Variants in DAG1 observed in about 807,000 individuals in gnomAD.
DAG1 encodes dystroglycan 1 (dystrophin-associated glycoprotein 1).
DAG1 carries 8 observed loss-of-function variants against 46.1 expected under a neutral mutation model. The ratio of observed to expected loss-of-function variants is 0.17; its 90% CI spans 0.10 to 0.31. The LOEUF (loss-of-function observed/expected upper bound fraction) is 0.31, where lower values mean the gene tolerates loss of function less well. Among genes scored for constraint, DAG1 ranks in the 10% least tolerant of loss-of-function variants. The pLI is 1.00. For synonymous variants in DAG1, 495 were observed against 481.8 expected (o/e 1.03, Z -0.36); for missense variants, 1,003 against 1,189.9 (o/e 0.84, Z 2.31).
At chr3:49,485,389 A>C (rs115890970) in intron 1 of DAG1, among the ~76,000 whole-genome samples, 1,751 of 152,160 alleles carry the variant, frequency 0.012, 33 homozygotes, top group African/African-American at 0.041. Context: ...TCTTTGTTGT[A>C]ATGACCCTGA....
At chr3:49,469,409 T>C (rs980654388), upstream of DAG1, among the ~76,000 whole-genome samples, 1 of 152,190 alleles carries the variant, frequency 6.6e-6, no homozygotes, top group Non-Finnish European at 1.5e-5. Context: ...GGTTAAGTCC[T>C]GGGGAGAGCT....
chr3:49,470,942 C>T (rs1489383804), intron 1 of DAG1: 1 of 152,252 alleles, frequency 6.6e-6, no homozygotes, highest in Non-Finnish European at 1.5e-5. Flanking sequence ...TTACTTACTA[C>T]CTTTTCACTT....
chr3:49,494,355 G>C (rs2050257822), intron 1 of DAG1, among the ~76,000 whole-genome samples: 1 of 151,938 alleles, frequency 6.6e-6, no homozygotes, highest in Non-Finnish European at 1.5e-5. Flanking sequence ...TACAGGGGCT[G>C]CTGGCAGGGT....
In DAG1 at chr3:49,531,227, C is replaced by T. The variant is rs758620141; in HGVS notation, c.716C>T (p.Ser239Leu). ...PVVNNRLFDM[S>L]AFMAGPGNAK... is the part of the protein sequence containing the mutation. ...GTGAATAACAGACTATTTGACATGTCGGCCTTCATGGCTGGCCCGGGAAAT... is the reference window on the plus strand; with the variant it reads ...GTGAATAACAGACTATTTGACATGTTGGCCTTCATGGCTGGCCCGGGAAAT... The change falls in exon 3 of 3, where the codon TCG (serine) becomes TTG (leucine). Residue 239 changes from serine (S) to leucine (L), a missense_variant. By Grantham distance (145) the Ser-to-Leu change is moderately radical. Around this residue, in one of 3 missense-constraint regions of DAG1, gnomAD observed 52 missense variants for 96.7 expected, o/e 0.54. Coordinates refer to ENST00000308775, the MANE Select transcript of DAG1 (RefSeq NM_004393.6). The surrounding 1 kb of genome is among the most constrained non-coding windows in gnomAD (Gnocchi z 7.0). The T allele has an allele frequency of 1.4e-5, 23 of 1,614,014 alleles. No homozygotes were observed. The highest frequency in any genetic ancestry group is 1.0e-4 in the Admixed American group (6 of 60,002).
In DAG1 at chr3:49,529,191, TAA is replaced by T. The variant is rs1204228515; in HGVS notation, c.286-1599_286-1598del. Among the ~76,000 whole-genome samples the T allele has an allele frequency of 2.6e-5, 4 of 152,102 alleles. No individual in the cohort carries two copies. In the South Asian group the frequency reaches 8.3e-4, roughly 32 times the overall value. On this transcript the variant is annotated intron_variant, in intron 2 of 2. Coordinates refer to ENST00000308775, the MANE Select transcript of DAG1 (RefSeq NM_004393.6). ...CTAACAATGTCAGTAATCTCATGGT[TAA>T]AAAAAATTTTTTTTTTGAAATAGAG...
In DAG1 at chr3:49,510,622, C is replaced by G. The variant is rs767978212; in HGVS notation, c.88C>G (p.His30Asp). Residue 30 changes from histidine (H) to aspartate (D), a missense_variant, in exon 2 of 3, where the codon CAC becomes GAC. Around this residue, in one of 3 missense-constraint regions of DAG1, gnomAD observed 196 missense variants for 239.1 expected, o/e 0.82. Coordinates refer to ENST00000308775, the MANE Select transcript of DAG1 (RefSeq NM_004393.6). ...GCTCTCTGTGGTTATGGCTCAGTCC[C>G]ACTGGCCCAGTGAACCCTCAGAGGC... The part of the protein sequence containing the change: ...LLLSVVMAQS[H>D]WPSEPSEAVR... 11 of 1,614,024 alleles carry G rather than the reference C, an allele frequency of 6.8e-6. No homozygotes were observed. The highest frequency in any genetic ancestry group is 1.6e-4 in the Middle Eastern group (1 of 6,084).
At chr3:49,521,900 A>T (rs2051036530) in intron 2 of DAG1, among the ~76,000 whole-genome samples, 1 of 150,476 alleles carries the variant, frequency 6.6e-6, no homozygotes, top group Admixed American at 6.6e-5. Context: ...CCCAGGCTGG[A>T]GTGCGGTGGC....
intron 1 of DAG1, among the ~76,000 whole-genome samples, chr3:49,478,523 A>C (rs1363232931): frequency 1.7e-5 from 2 of 119,438 alleles, no homozygotes; most frequent in African/African-American, 6.0e-5. Flanking sequence ...TTTTGAGCCC[A>C]AGAGTTTTTT....
Position 49,521,947 on chromosome 3 carries a change from T to G in DAG1, c.286-8850T>G, listed in dbSNP as rs568427552. ...TCACTGCAATCTCCACCTCCCGGGT[T>G]CAAGCAATTCTCCTGCTTCAGCCTC... On this transcript the variant is annotated intron_variant, in intron 2 of 2. Coordinates refer to ENST00000308775, the MANE Select transcript of DAG1 (RefSeq NM_004393.6). Among the ~76,000 whole-genome samples the G allele has an allele frequency of 5.3e-5, 8 of 152,342 alleles. No homozygotes were observed. In the South Asian group the frequency reaches 1.7e-3, roughly 32 times the overall value.
intron 1 of DAG1, among the ~76,000 whole-genome samples, chr3:49,490,279 G>T (rs1022795379): frequency 2.0e-5 from 3 of 151,960 alleles, no homozygotes; most frequent in Non-Finnish European, 2.9e-5. Context: ...TGTGGACCCG[G>T]GAGGTGGAGC....
Position 49,510,406 on chromosome 3 carries a change from C to CT in DAG1, c.-116-4dup, listed in dbSNP as rs200455639. 7,643 of 921,352 alleles carry CT rather than the reference C, an allele frequency of 8.3e-3. 34 individuals are homozygous for CT. Among genetic ancestry groups the CT allele is most frequent in the Non-Finnish European group, 0.011 (6,213 of 572,594 alleles). 57.1% of individuals were successfully genotyped at this position (921,352 alleles called of 1,614,324 possible). A position where few individuals can be genotyped will look rare whatever the true frequency, so the allele number is the denominator to read the frequency against. ...ATTGCTCAAGTCTAAACCTGCTTTT[C>CT]TTTTTTTTTCAGGCTCTGTGTGCTC... On this transcript the variant is annotated splice_polypyrimidine_tract_variant and intron_variant, in intron 1 of 2. Transcript: ENST00000308775.
chr3:49,491,169 C>T (rs2050172280), intron 1 of DAG1, among the ~76,000 whole-genome samples: 1 of 151,922 alleles, frequency 6.6e-6, no homozygotes, highest in South Asian at 2.1e-4. Flanking sequence ...GCCACCACGC[C>T]TGGCATTTTT....
intron 1 of DAG1, among the ~76,000 whole-genome samples, chr3:49,500,270 A>C (rs1286260418): frequency 6.6e-6 from 1 of 152,136 alleles, no homozygotes; most frequent in Non-Finnish European, 1.5e-5. Flanking sequence ...CTCAGCCTCC[A>C]AAGTGCTGGT....
At chr3:49,477,958 A>T (rs1314439588) in intron 1 of DAG1, among the ~76,000 whole-genome samples, 3 of 146,920 alleles carry the variant, frequency 2.0e-5, no homozygotes, top group African/African-American at 7.6e-5. Flanking sequence ...GTGAAACTGC[A>T]TCTCAAAAAA....
Position 49,531,937 on chromosome 3 carries a change from C to G in DAG1, c.1426C>G (p.Pro476Ala). ...CATCACCAGATTGGAAACTGCCTCA[C>G]CGCCTACTCGTATTCGCACCACCAC... ...VSITRLETAS[P>A]PTRIRTTTSG... The change falls in exon 3 of 3, where the codon CCG (proline) becomes GCG (alanine). Residue 476 changes from proline (P) to alanine (A), a missense_variant. Transcript: ENST00000308775. The surrounding 1 kb of genome is among the most constrained non-coding windows in gnomAD (Gnocchi z 7.0). 6.2e-7 allele frequency: 1 copy of G among 1,614,228 alleles called. No individual in the cohort carries two copies. Among genetic ancestry groups the G allele is most frequent in the Non-Finnish European group, 8.5e-7 (1 of 1,180,038 alleles).
chr3:49,497,629 AT>A (rs1190489670), intron 1 of DAG1, among the ~76,000 whole-genome samples: 1 of 152,072 alleles, frequency 6.6e-6, no homozygotes, highest in Non-Finnish European at 1.5e-5. Context: ...AAAAATAAAA[AT>A]AACCCCAAAC....
chr3:49,470,616 T>C (rs2049489030), intron 1 of DAG1, 183 bp downstream of exon 1: 1 of 152,142 alleles, frequency 6.6e-6, no homozygotes, highest in Non-Finnish European at 1.5e-5. Flanking sequence ...CCCTTTGCTC[T>C]GGGTCCCGCA....
chr3:49,503,508 T>G (rs1027529616), intron 1 of DAG1, among the ~76,000 whole-genome samples: 2 of 152,326 alleles, frequency 1.3e-5, no homozygotes, highest in South Asian at 4.1e-4. Flanking sequence ...GTTAGCCATT[T>G]TTTTCTTTCT....
At chr3:49,473,601 G>A (rs1477215822) in intron 1 of DAG1, among the ~76,000 whole-genome samples, 3 of 150,140 alleles carry the variant, frequency 2.0e-5, no homozygotes, top group African/African-American at 4.9e-5. Flanking sequence ...TTTTTGAGAC[G>A]GAGTCTTGCT....
Sources: allele counts gnomAD v4.1 joint callset (sites outside exome capture counted in the v4.1 genomes callset), GRCh38; gene constraint gnomAD v4.1.1; regional missense constraint gnomAD v4.1.1; non-coding constraint Gnocchi (gnomAD v3.1); transcripts MANE v1.5; gene names NCBI Gene and HGNC (gene_info 2026-07-23, HGNC 2026-07-21).